NIN: variants seen among roughly 807,000 people sequenced by gnomAD.
NIN encodes the protein ninein, also known as glycogen synthase kinase 3 beta-interacting protein.
In NIN, 137 loss-of-function variants were observed where a neutral mutation model predicts 257.6. The observed-to-expected ratio is 0.53, with a 90% confidence interval of 0.46 to 0.61. The LOEUF (loss-of-function observed/expected upper bound fraction) is 0.61, where lower values mean the gene tolerates loss of function less well. NIN is among the 20% of genes least tolerant of loss of function. The probability of loss-of-function intolerance (pLI) is 0.00; values close to 1 mark genes in which losing one functional copy is unlikely to be tolerated. For synonymous variants in NIN, 918 were observed against 919.8 expected (o/e 1.00, Z 0.04); for missense variants, 2,439 against 2,501.2 (o/e 0.98, Z 0.53).
chr14:50,784,892 G>A (rs1442640379), intron 5 of NIN, among the ~76,000 whole-genome samples: 2 of 152,184 alleles, frequency 1.3e-5, no homozygotes, highest in Non-Finnish European at 2.9e-5. Context: ...GCTCGCAGAG[G>A]CTGCCTTGTC....
Position 50,763,924 on chromosome 14 carries a change from T to G in NIN, c.1676A>C (p.Glu559Ala), listed in dbSNP as rs754574183. The G allele has an allele frequency of 1.9e-6, 3 of 1,613,996 alleles. No individual in the cohort carries two copies. In the East Asian group the frequency reaches 6.7e-5, roughly 36 times the overall value. The change falls in exon 15 of 31, where the codon GAA (glutamate) becomes GCA (alanine). Residue 559 changes from glutamate (E) to alanine (A), a missense_variant. Physicochemically the swap from Glu to Ala is moderately radical, Grantham distance 107 (BLOSUM62 -1). Around this residue, in one of 3 missense-constraint regions of NIN, gnomAD observed 2,043 missense variants for 2,050.2 expected, o/e 1.00. Coordinates refer to ENST00000530997, the MANE Select transcript of NIN (RefSeq NM_020921.4). ...CACTCTGCCTTGTGCACGATATTCT[T>G]CCAGCTCAGACTGGAGTTCATCTAC... is the stretch of plus-strand genomic sequence containing the variant. ...DQVDELQSEL[E>A]EYRAQGRVLR...
At chr14:50,735,457 T>C (rs2040929329) in intron 28 of NIN, 59 bp downstream of exon 28, 2 of 1,579,228 alleles carry the variant, frequency 1.3e-6, no homozygotes, top group Non-Finnish European at 8.6e-7. Context: ...TCCCAACAAA[T>C]ACCTCATTCA....
chr14:50,748,556 T>C (rs1336599247), intron 21 of NIN, among the ~76,000 whole-genome samples: 1 of 152,200 alleles, frequency 6.6e-6, no homozygotes, highest in Non-Finnish European at 1.5e-5. Context: ...ATGACGTGAT[T>C]GTGTATTTAG....
At chr14:50,737,920 C>G (rs146339928) in intron 27 of NIN, among the ~76,000 whole-genome samples, 38 of 152,274 alleles carry the variant, frequency 2.5e-4, no homozygotes, top group African/African-American at 8.9e-4. Flanking sequence ...GCTGGGATTA[C>G]AGGCATGAGC....
At chr14:50,772,854 G>T in intron 8 of NIN, 95 bp downstream of exon 8, 3 of 992,298 alleles carry the variant, frequency 3.0e-6, no homozygotes, top group East Asian at 2.5e-5. Context: ...TCTTTCCTTA[G>T]TATTTTGCTT....
chr14:50,759,450 G>A (rs1042813575), intron 17 of NIN, among the ~76,000 whole-genome samples: 1 of 151,734 alleles, frequency 6.6e-6, no homozygotes, highest in South Asian at 2.1e-4. Context: ...TCAATCAATG[G>A]GCTATTATGC....
chr14:50,761,956 A>G (rs1566818976), intron 15 of NIN, 45 bp from the exon 16 acceptor site: 10 of 1,609,726 alleles, frequency 6.2e-6, no homozygotes, highest in African/African-American at 1.3e-5. Context: ...GGTTCTTTCA[A>G]TAACACAGTG....
At chr14:50,764,009 G>A in intron 14 of NIN, 45 bp from the exon 15 acceptor site, 2 of 1,531,944 alleles carry the variant, frequency 1.3e-6, no homozygotes, top group Non-Finnish European at 1.8e-6. Context: ...GACACCAAAA[G>A]CATAAGCAAC....
intron 6 of NIN, among the ~76,000 whole-genome samples, chr14:50,777,697 A>G (rs779999352): frequency 2.6e-5 from 4 of 152,182 alleles, no homozygotes; most frequent in Admixed American, 6.5e-5. Context: ...AAAAAAATCA[A>G]TGGTTGCAAG....
At chr14:50,755,767 C>A (rs2041998788) in intron 18 of NIN, among the ~76,000 whole-genome samples, 1 of 149,672 alleles carries the variant, frequency 6.7e-6, no homozygotes, top group African/African-American at 2.5e-5. Flanking sequence ...CAAGCTCAAG[C>A]AACCCTCCCA....
At chr14:50,782,498 A>G (rs1294899064) in intron 5 of NIN, among the ~76,000 whole-genome samples, 1 of 152,250 alleles carries the variant, frequency 6.6e-6, no homozygotes, top group African/African-American at 2.4e-5. Flanking sequence ...ATGAAAGACC[A>G]TTACAAAAAT....
intron 28 of NIN, among the ~76,000 whole-genome samples, chr14:50,734,585 T>TTCTGA: frequency 6.6e-6 from 1 of 152,242 alleles, no homozygotes; most frequent in Non-Finnish European, 1.5e-5. Flanking sequence ...ATAAGTTTGT[T>TTCTGA]ATATCCTATA....
intron 25 of NIN, among the ~76,000 whole-genome samples, chr14:50,739,694 G>A (rs1434280801): frequency 6.6e-6 from 1 of 152,202 alleles, no homozygotes; most frequent in African/African-American, 2.4e-5. Context: ...AAAAGATTTG[G>A]AGAGTCTCTG....
In NIN at chr14:50,759,126, A is replaced by G. The variant is rs560827536; in HGVS notation, c.2400-496T>C. Among the ~76,000 whole-genome samples the G allele has an allele frequency of 3.9e-5, 6 of 152,338 alleles. 1 individual carries two copies. The highest frequency in any genetic ancestry group is 1.4e-4 in the African/African-American group (6 of 41,578). On this transcript the variant is annotated intron_variant, in intron 17 of 30. Coordinates refer to ENST00000530997, the MANE Select transcript of NIN (RefSeq NM_020921.4). Reference sequence around the variant, plus strand: ...GCGTGTGACGAAACAAAGCCCTCAAATAAACCTGGGATTTCACATGAGGAA... The same window carrying G: ...GCGTGTGACGAAACAAAGCCCTCAAGTAAACCTGGGATTTCACATGAGGAA...
rs139004328 is a variant in NIN at position 50,770,048 on chromosome 14, G to A, written c.1434+340C>T. On this transcript the variant is annotated intron_variant, in intron 12 of 30. Transcript: ENST00000530997. ...GAGAATGAGGGGGGCGGGCAGGCGA[G>A]AAGATGGGGATCTGAGGGTGAGGGC... 2.7e-3 allele frequency among the ~76,000 whole-genome samples: 412 copies of A among 152,286 alleles called. 2 individuals carry two copies. Among genetic ancestry groups the A allele is most frequent in the African/African-American group, 9.0e-3 (374 of 41,568 alleles).
chr14:50,756,759 C>T lies in NIN; in HGVS notation c.4271G>A (p.Arg1424Lys), dbSNP rs1406565102. The change falls in exon 18 of 31, where the codon AGA (arginine) becomes AAA (lysine). Residue 1424 changes from arginine to lysine, a missense_variant. Arg to Lys is a conservative substitution (Grantham distance 26). Transcript: ENST00000530997. The part of the protein sequence containing the change: ...GTIQTHQERP[R>K]VQNQVILEEN... ...CTCCAGTATAACTTGATTCTGTACT[C>T]TTGGCCTTTCTTGATGTGTCTGAAT... 4.5e-6 allele frequency: 7 copies of T among 1,551,572 alleles called. No homozygotes were observed. The highest frequency in any genetic ancestry group is 6.1e-6 in the Non-Finnish European group (7 of 1,146,964).
At chr14:50,748,174 T>A in intron 21 of NIN, 69 bp from the exon 22 acceptor site, 1 of 943,812 alleles carries the variant, frequency 1.1e-6, no homozygotes, top group Non-Finnish European at 1.7e-6. Flanking sequence ...ACCAGGTTCA[T>A]AAAAGGCCAT....
chr14:50,804,925 G>A (rs1016712094), intron 4 of NIN, among the ~76,000 whole-genome samples: 5 of 152,202 alleles, frequency 3.3e-5, no homozygotes, highest in Non-Finnish European at 5.9e-5. Context: ...TTGGACAAGC[G>A]TGGTCTAGCT....
intron 14 of NIN, among the ~76,000 whole-genome samples, chr14:50,765,843 G>GT (rs34321797): frequency 0.27 from 40,154 of 146,882 alleles, 5,764 homozygotes; most frequent in African/African-American, 0.36. Context: ...TAACATTTAT[G>GT]TTTTTTTTTT....
Sources: allele counts gnomAD v4.1 joint callset (sites outside exome capture counted in the v4.1 genomes callset), GRCh38; gene constraint gnomAD v4.1.1; regional missense constraint gnomAD v4.1.1; transcripts MANE v1.5; gene names NCBI Gene and HGNC (gene_info 2026-07-23, HGNC 2026-07-21).